Variants in JAZF1 observed in about 807,000 individuals in gnomAD.
JAZF1 encodes the protein juxtaposed with another zinc finger protein 1.
A neutral mutation model predicts 26.4 loss-of-function variants in JAZF1; 8 were observed. The observed-to-expected ratio is 0.30, with a 90% CI of 0.18 to 0.55. JAZF1 has a LOEUF of 0.55. Ranked by LOEUF, JAZF1 falls within the 20% of genes least tolerant of loss-of-function variation. The pLI is 0.94. For missense variants in JAZF1, 199 were observed against 322.0 expected, an observed-to-expected ratio of 0.62 and a Z score of 2.92; for synonymous variants, 126 against 122.3, an observed-to-expected ratio of 1.03 and a Z score of -0.20.
In JAZF1 at chr7:28,140,680, A is replaced by G. The variant is rs2127945478; in HGVS notation, c.115+39783T>C. On this transcript the variant is annotated intron_variant, in intron 1 of 4. Coordinates refer to ENST00000283928, the MANE Select transcript of JAZF1 (RefSeq NM_175061.4). ...TTTCACATCATAGCACATAGAGTCAATAATAATATGTGTACAACACATTGA... is the reference window on the plus strand; with the variant it reads ...TTTCACATCATAGCACATAGAGTCAGTAATAATATGTGTACAACACATTGA... 1.3e-5 allele frequency among the ~76,000 whole-genome samples: 2 copies of G among 152,344 alleles called. 1 individual carries two copies. Among genetic ancestry groups the G allele is most frequent in the East Asian group, 3.9e-4 (2 of 5,182 alleles).
rs960483437 is a variant in JAZF1 at position 28,085,795 on chromosome 7, C to G, written c.116-93814G>C. ...TATCCCATTTCTTATATCATTGATA[C>G]CAAGAAGAAAATTTGCAGGCAGCTT... On this transcript the variant is annotated intron_variant, in intron 1 of 4. Transcript: ENST00000283928. 3.3e-5 allele frequency among the ~76,000 whole-genome samples: 5 copies of G among 152,140 alleles called. No homozygotes were observed. In the South Asian group the frequency reaches 8.3e-4, roughly 25 times the overall value.
intron 1 of JAZF1, among the ~76,000 whole-genome samples, chr7:28,100,975 A>T (rs1032848400): frequency 6.6e-6 from 1 of 152,236 alleles, no homozygotes; most frequent in Non-Finnish European, 1.5e-5. Context: ...TCCATCTAAC[A>T]GTGAGCTGGT....
chr7:27,898,222 A>T (rs1409077112), intron 2 of JAZF1, among the ~76,000 whole-genome samples: 1 of 151,410 alleles, frequency 6.6e-6, no homozygotes, highest in East Asian at 1.9e-4. Flanking sequence ...GTGCATATCC[A>T]GTGTAAGAGA....
At chr7:28,019,576 A>C (rs1443640481) in intron 1 of JAZF1, among the ~76,000 whole-genome samples, 3 of 151,878 alleles carry the variant, frequency 2.0e-5, no homozygotes, top group Non-Finnish European at 4.4e-5. Flanking sequence ...AAATGTTACC[A>C]TCCTCTGATT....
chr7:27,946,299 G>A (rs1209795619), intron 2 of JAZF1, among the ~76,000 whole-genome samples: 4 of 152,030 alleles, frequency 2.6e-5, no homozygotes, highest in Non-Finnish European at 4.4e-5. Flanking sequence ...GAAATTAAAT[G>A]TTCTGGTTAC....
intron 1 of JAZF1, among the ~76,000 whole-genome samples, chr7:28,002,442 C>G (rs1782619560): frequency 6.6e-6 from 1 of 152,182 alleles, no homozygotes. Context: ...TTGTTGCATA[C>G]AAGTCAAACT....
chr7:28,049,521 A>T (rs1783575505), intron 1 of JAZF1, among the ~76,000 whole-genome samples: 1 of 152,140 alleles, frequency 6.6e-6, no homozygotes, highest in Non-Finnish European at 1.5e-5. Context: ...ATTCAATTCA[A>T]TTATGACACT....
chr7:27,940,885 G>A (rs1159984357), intron 2 of JAZF1, among the ~76,000 whole-genome samples: 1 of 152,132 alleles, frequency 6.6e-6, no homozygotes, highest in Non-Finnish European at 1.5e-5. Flanking sequence ...TTAGTATACT[G>A]TAAATTATAA....
chr7:28,103,316 C>G (rs1784503155), intron 1 of JAZF1, among the ~76,000 whole-genome samples: 1 of 152,094 alleles, frequency 6.6e-6, no homozygotes, highest in African/African-American at 2.4e-5. Flanking sequence ...TGGTATTTAC[C>G]TATAGTTCTG....
At chr7:27,835,166 C>G (rs1169624172) in intron 4 of JAZF1, among the ~76,000 whole-genome samples, 1 of 152,070 alleles carries the variant, frequency 6.6e-6, no homozygotes, top group Non-Finnish European at 1.5e-5. Context: ...ACCATTCAAA[C>G]CTTGTCAGAA....
intron 3 of JAZF1, among the ~76,000 whole-genome samples, chr7:27,870,288 C>T (rs1364837003): frequency 2.0e-5 from 3 of 151,906 alleles, no homozygotes; most frequent in African/African-American, 7.3e-5. Flanking sequence ...GGTACTGGTC[C>T]TGCTGTGCCT....
intron 1 of JAZF1, among the ~76,000 whole-genome samples, chr7:28,040,301 T>C (rs1040288811): frequency 2.0e-5 from 3 of 152,224 alleles, no homozygotes; most frequent in Non-Finnish European, 4.4e-5. Flanking sequence ...GCCAGGCAGA[T>C]ACTGCTCCAA....
intron 1 of JAZF1, among the ~76,000 whole-genome samples, chr7:28,146,507 A>T (rs1039703808): frequency 2.0e-5 from 3 of 152,226 alleles, no homozygotes; most frequent in Non-Finnish European, 4.4e-5. Context: ...TAAGTATTAA[A>T]AGGTGCTAAT....
chr7:28,158,304 G>A (rs927545531), intron 1 of JAZF1, among the ~76,000 whole-genome samples: 1 of 152,042 alleles, frequency 6.6e-6, no homozygotes, highest in African/African-American at 2.4e-5. Flanking sequence ...GGCAAGGAGG[G>A]GTAGCCAACG....
At chr7:28,129,854 AT>A (rs963024651) in intron 1 of JAZF1, among the ~76,000 whole-genome samples, 4 of 151,238 alleles carry the variant, frequency 2.6e-5, no homozygotes, top group South Asian at 2.1e-4. Context: ...TTCCAAATAC[AT>A]TTTTTTTTAA....
At chr7:28,082,474 T>C (rs574842942) in intron 1 of JAZF1, among the ~76,000 whole-genome samples, 9 of 152,328 alleles carry the variant, frequency 5.9e-5, no homozygotes, top group Admixed American at 2.0e-4. Context: ...TCTCTTCTCA[T>C]ACCACACGGT....
At position 28,026,301 on chromosome 7, in the gene JAZF1, T is replaced by C. The variant is rs941650243; in HGVS notation, c.116-34320A>G. ...TAGCCCAAATCATCCACCCTAAACC[T>C]TGGAGCAGGGTAGGCTGCAGTGGAG... On this transcript the variant is annotated intron_variant, in intron 1 of 4. Coordinates refer to ENST00000283928, the MANE Select transcript of JAZF1 (RefSeq NM_175061.4). 3.0e-4 allele frequency among the ~76,000 whole-genome samples: 45 copies of C among 152,174 alleles called. 1 individual carries two copies. Among genetic ancestry groups the C allele is most frequent in the Non-Finnish European group, 1.0e-4 (7 of 68,032 alleles).
chr7:27,945,011 A>G (rs555690475), intron 2 of JAZF1, among the ~76,000 whole-genome samples: 2 of 152,168 alleles, frequency 1.3e-5, no homozygotes, highest in African/African-American at 4.8e-5. Context: ...ACACCTCCCC[A>G]CTATGCATTA....
intron 4 of JAZF1, among the ~76,000 whole-genome samples, chr7:27,834,357 A>G (rs984443161): frequency 6.6e-6 from 1 of 152,122 alleles, no homozygotes; most frequent in Admixed American, 6.5e-5. Flanking sequence ...TGCTTTTTTA[A>G]AAGTCCTTGG....
Sources: allele counts gnomAD v4.1 joint callset (sites outside exome capture counted in the v4.1 genomes callset), GRCh38; gene constraint gnomAD v4.1.1; transcripts MANE v1.5; gene names NCBI Gene and HGNC (gene_info 2026-07-23, HGNC 2026-07-21).